ATF1: variants seen among roughly 807,000 people sequenced by gnomAD.
ATF1 encodes activating transcription factor 1.
ATF1 carries 16 observed loss-of-function variants against 34.7 expected under a neutral mutation model. The ratio of observed to expected loss-of-function variants is 0.46; its 90% CI spans 0.31 to 0.70. ATF1 has a LOEUF of 0.70. ATF1 is among the 30% of genes least tolerant of loss of function. The pLI is 0.05. For missense variants in ATF1, 255 were observed against 321.6 expected, an observed-to-expected ratio of 0.79 and a Z score of 1.58; for synonymous variants, 105 against 113.1, an observed-to-expected ratio of 0.93 and a Z score of 0.46.
rs965160311 is a variant in ATF1 at position 50,809,364 on chromosome 12, A to G, written c.195-92A>G. 8 of 1,140,668 alleles carry G rather than the reference A, an allele frequency of 7.0e-6. No homozygotes were observed. The African/African-American group carries it at 1.5e-4, about 21-fold the overall frequency. The allele number at this position is 1,140,668 out of a possible 1,614,324, so 70.7% of individuals were successfully genotyped here. A position where few individuals can be genotyped will look rare whatever the true frequency, so the allele number is the denominator to read the frequency against. On this transcript the variant is annotated intron_variant, in intron 3 of 6. Transcript: ENST00000262053. ...ACTCCAGCCTGGGTGACAAAGCAAG[A>G]TCTTGTCTCAAAAAAAAAAAAAAAA...
chr12:50,766,031 C>A (rs1323138642), intron 1 of ATF1, among the ~76,000 whole-genome samples: 4 of 152,108 alleles, frequency 2.6e-5, no homozygotes, highest in South Asian at 2.1e-4. Context: ...TTATTTCTTG[C>A]GCGAGATCCA....
chr12:50,787,110 G>A (rs1049835194), intron 2 of ATF1, among the ~76,000 whole-genome samples: 1 of 152,168 alleles, frequency 6.6e-6, no homozygotes, highest in African/African-American at 2.4e-5. Flanking sequence ...ACACACCCTA[G>A]TGAAGAGGTG....
chr12:50,812,866 A>C (rs1355630014), intron 4 of ATF1, among the ~76,000 whole-genome samples: 1 of 152,146 alleles, frequency 6.6e-6, no homozygotes, highest in East Asian at 1.9e-4. Context: ...CATTTAAAAA[A>C]ATATTTTGAA....
intron 3 of ATF1, among the ~76,000 whole-genome samples, 155 bp from the exon 4 acceptor site, chr12:50,809,301 G>A (rs1941681686): frequency 6.7e-6 from 1 of 148,654 alleles, no homozygotes; most frequent in African/African-American, 2.5e-5. Flanking sequence ...TTAAGCCAGG[G>A]AAGCAGAGGT....
intron 3 of ATF1, among the ~76,000 whole-genome samples, chr12:50,797,513 C>T (rs985834551): frequency 4.6e-5 from 7 of 152,296 alleles, no homozygotes; most frequent in East Asian, 1.9e-4. Context: ...AGGTCTCACC[C>T]TGTTGCCTGG....
intron 4 of ATF1, among the ~76,000 whole-genome samples, chr12:50,813,549 C>T (rs1941779933): frequency 6.6e-6 from 1 of 152,156 alleles, no homozygotes; most frequent in African/African-American, 2.4e-5. Context: ...TGCAGTGGCT[C>T]ATGCCTGTAA....
intron 4 of ATF1, among the ~76,000 whole-genome samples, chr12:50,811,630 G>GA (rs11464441): frequency 0.41 from 30,303 of 73,130 alleles, 4,294 homozygotes; most frequent in East Asian, 0.51. Flanking sequence ...GAAAAATGAA[G>GA]AAAAAAAAAA....
chr12:50,784,105 G>C (rs558128362), intron 2 of ATF1, among the ~76,000 whole-genome samples: 1 of 152,116 alleles, frequency 6.6e-6, no homozygotes, highest in South Asian at 2.1e-4. Flanking sequence ...CAAGGCTGCA[G>C]TGAGCCGTGA....
chr12:50,817,310 G>T (rs1941863428), intron 6 of ATF1, among the ~76,000 whole-genome samples: 1 of 152,090 alleles, frequency 6.6e-6, no homozygotes, highest in Non-Finnish European at 1.5e-5. Flanking sequence ...CATAAATTGT[G>T]ACTGTATTTA....
chr12:50,789,365 G>A (rs1257359359), intron 2 of ATF1, among the ~76,000 whole-genome samples: 2 of 152,068 alleles, frequency 1.3e-5, no homozygotes, highest in African/African-American at 4.8e-5. Flanking sequence ...TGCCTGGCCT[G>A]TTTACTATTT....
At chr12:50,819,352 A>G (rs1941902979) in intron 6 of ATF1, among the ~76,000 whole-genome samples, 1 of 152,216 alleles carries the variant, frequency 6.6e-6, no homozygotes, top group Admixed American at 6.5e-5. Context: ...GGTGATAAAA[A>G]TCAAAACGAT....
intron 4 of ATF1, among the ~76,000 whole-genome samples, chr12:50,813,807 C>T (rs2139695400): frequency 8.9e-6 from 1 of 112,364 alleles, no homozygotes; most frequent in East Asian, 2.2e-4. Context: ...GAGCGAGACT[C>T]CATCTCAAAA....
intron 4 of ATF1, among the ~76,000 whole-genome samples, chr12:50,811,411 A>C (rs770481458): frequency 1.3e-5 from 2 of 152,078 alleles, no homozygotes; most frequent in Non-Finnish European, 1.5e-5. Context: ...TACATCCTTG[A>C]CATATAGGAC....
At chr12:50,776,662 A>G (rs1013253807) in intron 1 of ATF1, among the ~76,000 whole-genome samples, 1 of 152,128 alleles carries the variant, frequency 6.6e-6, no homozygotes, top group African/African-American at 2.4e-5. Context: ...TTGCTTTCTT[A>G]CGTGCTTTTG....
At chr12:50,797,413 G>C (rs1221221127) in intron 3 of ATF1, among the ~76,000 whole-genome samples, 2 of 152,200 alleles carry the variant, frequency 1.3e-5, no homozygotes, top group African/African-American at 4.8e-5. Flanking sequence ...GGACCAGTAA[G>C]CTGACAACAG....
At position 50,819,882 on chromosome 12, in the gene ATF1, G is replaced by C. The variant is rs1941914470; in HGVS notation, c.*103G>C. 9.8e-7 allele frequency: 1 copy of C among 1,018,234 alleles called. No homozygotes were observed. Among genetic ancestry groups the C allele is most frequent in the Non-Finnish European group, 1.4e-6 (1 of 709,984 alleles). 63.1% of individuals were successfully genotyped at this position (1,018,234 alleles called of 1,614,324 possible). A position where few individuals can be genotyped will look rare whatever the true frequency, so the allele number is the denominator to read the frequency against. On this transcript the variant is annotated 3_prime_UTR_variant, in exon 7 of 7. Coordinates refer to ENST00000262053, the MANE Select transcript of ATF1 (RefSeq NM_005171.5). ...GGTCAAAACTGAAGCTTTTTATTTA[G>C]GCTTTTCCAAATCAAGGATAAATAT...
intron 2 of ATF1, among the ~76,000 whole-genome samples, chr12:50,785,130 A>G (rs1941155591): frequency 6.7e-6 from 1 of 150,248 alleles, no homozygotes; most frequent in African/African-American, 2.5e-5. Flanking sequence ...GTTAAGAATG[A>G]AATTACTTGA....
chr12:50,817,396 A>T (rs1941865598), intron 6 of ATF1, among the ~76,000 whole-genome samples: 1 of 152,208 alleles, frequency 6.6e-6, no homozygotes, highest in Non-Finnish European at 1.5e-5. Context: ...AAATTGAATG[A>T]AAAAACAAGT....
chr12:50,777,640 G>C (rs1004983869), intron 1 of ATF1, among the ~76,000 whole-genome samples: 2 of 151,842 alleles, frequency 1.3e-5, no homozygotes, highest in African/African-American at 4.8e-5. Context: ...AATTAACAAG[G>C]CATGGTGGTA....
Sources: allele counts gnomAD v4.1 joint callset (sites outside exome capture counted in the v4.1 genomes callset), GRCh38; gene constraint gnomAD v4.1.1; transcripts MANE v1.5; gene names NCBI Gene and HGNC (gene_info 2026-07-23, HGNC 2026-07-21).